PPRC1: variants seen among roughly 807,000 people sequenced by gnomAD.
PPRC1 encodes PPARG related coactivator 1.
Under a neutral mutation model 132.5 loss-of-function variants are expected in PPRC1, and 23 were observed. The ratio of observed to expected loss-of-function variants is 0.17; its 90% CI spans 0.12 to 0.25. The LOEUF is 0.25. PPRC1 is among the 10% of genes least tolerant of loss of function. The pLI is 1.00. For missense variants in PPRC1, 2,006 were observed against 2,089.1 expected, an observed-to-expected ratio of 0.96 and a Z score of 0.78; for synonymous variants, 872 against 833.5, an observed-to-expected ratio of 1.05 and a Z score of -0.80.
the PPRC1 span, among the ~76,000 whole-genome samples, chr10:102,124,641 A>ATTTT: frequency 8.5e-6 from 1 of 116,988 alleles, no homozygotes; most frequent in Admixed American, 8.7e-5. Context: ...GTGCCTGGCC[A>ATTTT]TTTTTTTTTT....
rs747901035 is a variant in PPRC1, at chr10:102,137,836, C to T, written c.154-14C>T. ...AGAGAGCTCATACCCTTCTCACCTT[C>T]TTCTCTGCTCCAGGTGCTGCTGCAT... On this transcript the variant is annotated splice_polypyrimidine_tract_variant and intron_variant, in intron 1 of 13. Transcript: ENST00000278070. 2 of 1,611,798 alleles carry T rather than the reference C, an allele frequency of 1.2e-6. No homozygotes were observed. The highest frequency in any genetic ancestry group is 3.3e-5 in the Admixed American group (2 of 59,716).
In PPRC1 at chr10:102,133,153, G is replaced by C; in HGVS notation, c.85G>C (p.Gly29Arg). Residue 29 changes from glycine to arginine, a missense_variant, in exon 1 of 14, where the codon GGC (glycine) becomes CGC (arginine). Transcript: ENST00000278070. ...TCCGGACCCTGGCGGGGGAGCCCGC[G>C]GCAGTGGTTGGGGAAGTCGAAGCCA... ...PGPDPGGGAR[G>R]SGWGSRSQAP... The C allele has an allele frequency of 7.9e-7, 1 of 1,261,850 alleles. No individual in the cohort carries two copies. The highest frequency in any genetic ancestry group is 1.0e-6 in the Non-Finnish European group (1 of 996,788). The allele number at this position is 1,261,850 out of a possible 1,614,324, so 78.2% of individuals were successfully genotyped here.
chr10:102,148,769 G>C lies in PPRC1; in HGVS notation c.4618-48G>C, dbSNP rs1488426449. 6.2e-7 allele frequency: 1 copy of C among 1,614,056 alleles called. No individual in the cohort carries two copies. The highest frequency in any genetic ancestry group is 8.5e-7 in the Non-Finnish European group (1 of 1,179,998). The stretch of plus-strand genomic sequence containing the variant: ...TGAGCTCAGAGAGCTGCCTGCAGCT[G>C]TAGCCCTGGCTAATGGTGTGTTGAT... On this transcript the variant is annotated intron_variant, in intron 11 of 13. Transcript: ENST00000278070. The surrounding 1 kb of genome is among the most constrained non-coding windows in gnomAD (Gnocchi z 4.2).
intron 1 of PPRC1, among the ~76,000 whole-genome samples, chr10:102,136,737 G>T (rs1006964245): frequency 2.6e-5 from 4 of 152,120 alleles, no homozygotes; most frequent in Non-Finnish European, 5.9e-5. Flanking sequence ...GGGGATCTTG[G>T]AATGTATCCC....
chr10:102,125,323 A>G, the PPRC1 span, among the ~76,000 whole-genome samples: 1 of 145,550 alleles, frequency 6.9e-6, no homozygotes, highest in Non-Finnish European at 1.5e-5. Flanking sequence ...CAGTGGCACT[A>G]TCTCAACTCA....
intron 1 of PPRC1, 91 bp from the exon 2 acceptor site, chr10:102,137,759 G>GC (rs1361238763): frequency 2.4e-6 from 3 of 1,249,508 alleles, no homozygotes; most frequent in African/African-American, 1.5e-5. Flanking sequence ...GCTGAGTTTG[G>GC]CCCCAGCAGT....
upstream of PPRC1, among the ~76,000 whole-genome samples, chr10:102,128,993 G>A (rs367952307): frequency 2.3e-5 from 3 of 131,252 alleles, no homozygotes; most frequent in South Asian, 2.6e-4. Context: ...GCAGTGGCGC[G>A]ATCTCGGCTC....
At position 102,140,051 on chromosome 10, in the gene PPRC1, C is replaced by G. The variant is rs2068888224; in HGVS notation, c.1543C>G (p.Leu515Val). The G allele has an allele frequency of 6.2e-7, 1 of 1,614,108 alleles. No homozygotes were observed. The highest frequency in any genetic ancestry group is 1.6e-4 in the Middle Eastern group (1 of 6,084). ...QEELQKESGP[L>V]QGKGKPRAWA... ...AGAACTTCAAAAAGAGTCTGGGCCT[C>G]TCCAGGGTAAGGGGAAGCCCCGGGC... Residue 515 changes from leucine (L) to valine (V), a missense_variant, in exon 5 of 14, where the codon CTC becomes GTC. Transcript: ENST00000278070.
chr10:102,131,476 C>G (rs545461626), upstream of PPRC1, among the ~76,000 whole-genome samples: 1 of 151,998 alleles, frequency 6.6e-6, no homozygotes, highest in Admixed American at 6.6e-5. Context: ...TATAGTGATG[C>G]AATATTTCTA....
Position 102,146,870 on chromosome 10 carries a change from C to G in PPRC1, c.3878C>G (p.Ser1293Cys). The change falls in exon 9 of 14, where the codon TCT becomes TGT. Residue 1293 changes from serine to cysteine, a missense_variant. Coordinates refer to ENST00000278070, the MANE Select transcript of PPRC1 (RefSeq NM_015062.5). ...VHGPSRVHVG[S>C]GDHDYCVRSR... ...GGCCCTAGTCGAGTCCATGTGGGCT[C>G]TGGGGACCATGACTATTGTGTCCGG... 1 of 1,614,074 alleles carries G rather than the reference C, an allele frequency of 6.2e-7. No homozygotes were observed. The highest frequency in any genetic ancestry group is 8.5e-7 in the Non-Finnish European group (1 of 1,179,988).
At position 102,148,891 on chromosome 10, in the gene PPRC1, C is replaced by T. The variant is rs117783488; in HGVS notation, c.4692C>T (p.Ser1564=). ...MTRSELKQRF[S]VFGEIEECTI... ...GATCAGAGCTGAAACAGAGGTTCTC[C>T]GTTTTTGGAGAGATTGAGGAGTGCA... The change falls in exon 12 of 14, where the codon TCC becomes TCT. Residue 1564 remains serine (S), a synonymous_variant. Coordinates refer to ENST00000278070, the MANE Select transcript of PPRC1 (RefSeq NM_015062.5). This position sits in a 1 kb window ranked among gnomAD's most constrained non-coding sequence, Gnocchi z 4.2. The T allele has an allele frequency of 1.3e-4, 213 of 1,614,196 alleles. No homozygotes were observed. In the East Asian group the frequency reaches 2.9e-3, roughly 22 times the overall value.
In PPRC1 at chr10:102,136,796, C is replaced by T. The variant is rs573307627; in HGVS notation, c.154-1054C>T. ...TAGTGGAGATCCCCCTGGCTCTGGCCTCACCACTACCATTCTGGTCCCTTC... is the reference window on the plus strand; with the variant it reads ...TAGTGGAGATCCCCCTGGCTCTGGCTTCACCACTACCATTCTGGTCCCTTC... On this transcript the variant is annotated intron_variant, in intron 1 of 13. Coordinates refer to ENST00000278070, the MANE Select transcript of PPRC1 (RefSeq NM_015062.5). 1.8e-4 allele frequency among the ~76,000 whole-genome samples: 27 copies of T among 152,266 alleles called. 1 individual carries two copies. Among genetic ancestry groups the T allele is most frequent in the South Asian group, 1.7e-3 (8 of 4,818 alleles).
chr10:102,141,000 C>T lies in PPRC1; in HGVS notation c.2492C>T (p.Pro831Leu), dbSNP rs370268673. 3 of 1,614,150 alleles carry T rather than the reference C, an allele frequency of 1.9e-6. No homozygotes were observed. Among genetic ancestry groups the T allele is most frequent in the Admixed American group, 3.3e-5 (2 of 60,024 alleles). Residue 831 changes from proline (P) to leucine (L), a missense_variant, in exon 5 of 14, where the codon CCT becomes CTT. By Grantham distance (98) the Pro-to-Leu change is moderately conservative (BLOSUM62 -3). Transcript: ENST00000278070. ...PVGPSPASPS[P>L]EPPVSKPVAS... ...GGTCCCAGCCCTGCTTCTCCTAGTC[C>T]TGAGCCACCTGTAAGCAAACCTGTG...
intron 9 of PPRC1, among the ~76,000 whole-genome samples, chr10:102,147,757 T>G (rs2069327967): frequency 6.6e-6 from 1 of 152,214 alleles, no homozygotes; most frequent in Non-Finnish European, 1.5e-5. Context: ...AGAAAATAGT[T>G]CTTCCCTTAA....
intron 8 of PPRC1, among the ~76,000 whole-genome samples, 167 bp downstream of exon 8, chr10:102,145,257 A>G (rs2069172120): frequency 6.6e-6 from 1 of 152,230 alleles, no homozygotes; most frequent in Admixed American, 6.5e-5. Context: ...GAGCATGTTG[A>G]GTATCAGGTG....
Position 102,148,733 on chromosome 10 carries a change from C to T in PPRC1, c.4617+39C>T, listed in dbSNP as rs756608708. On this transcript the variant is annotated intron_variant, in intron 11 of 13. Coordinates refer to ENST00000278070, the MANE Select transcript of PPRC1 (RefSeq NM_015062.5). The surrounding 1 kb of genome is among the most constrained non-coding windows in gnomAD (Gnocchi z 4.2). ...CAGATCATGGGAGGATGGGGCTTAC[C>T]CCCTGAGCCTTGAGCTCAGAGAGCT... The T allele has an allele frequency of 4.3e-6, 7 of 1,613,722 alleles. No individual in the cohort carries two copies. In the East Asian group the frequency reaches 1.3e-4, roughly 31 times the overall value.
In PPRC1 at chr10:102,138,884, C is replaced by T; in HGVS notation, c.495C>T (p.His165=). 1 of 1,614,086 alleles carries T rather than the reference C, an allele frequency of 6.2e-7. No homozygotes were observed. Among genetic ancestry groups the T allele is most frequent in the Non-Finnish European group, 8.5e-7 (1 of 1,179,934 alleles). ...LVSPREGSSL[H]KLLTLSRTPP... ...GGTCTTTCTTTCCCTCTTAGCTGCA[C>T]AAGCTGCTTACTCTCTCTCGGACAC... Residue 165 remains histidine, a synonymous_variant, in exon 4 of 14, where the codon CAC becomes CAT. Transcript: ENST00000278070.
intron 1 of PPRC1, among the ~76,000 whole-genome samples, chr10:102,136,747 C>T (rs1179463066): frequency 6.6e-6 from 1 of 152,144 alleles, no homozygotes; most frequent in African/African-American, 2.4e-5. Context: ...GAATGTATCC[C>T]TCTAGGATAA....
chr10:102,148,561 A>C lies in PPRC1; in HGVS notation c.4550+40A>C, dbSNP rs1275139013. The C allele has an allele frequency of 3.1e-6, 5 of 1,612,276 alleles. No individual in the cohort carries two copies. Among genetic ancestry groups the C allele is most frequent in the Middle Eastern group, 1.6e-4 (1 of 6,062 alleles). On this transcript the variant is annotated intron_variant, in intron 10 of 13. Transcript: ENST00000278070. This position sits in a 1 kb window ranked among gnomAD's most constrained non-coding sequence, Gnocchi z 4.2. ...AGGGAGCGCCATGCACCTGGGATGC[A>C]GGTGCCTAAGAGTTGAGTCTTGAAT...
Sources: gnomAD v4.1 joint callset for allele counts (sites outside exome capture counted in the v4.1 genomes callset) on GRCh38, gnomAD v4.1.1 for gene constraint, Gnocchi (gnomAD v3.1) non-coding constraint, MANE v1.5 for transcripts, NCBI Gene and HGNC (gene_info 2026-07-23, HGNC 2026-07-21) for gene names.